Variants in KAZN observed in about 807,000 individuals in gnomAD.
KAZN encodes kazrin, periplakin interacting protein, also known as kazrin.
A neutral mutation model predicts 87.4 loss-of-function variants in KAZN; 40 were observed. That is an observed-to-expected ratio of 0.46 (90% CI 0.36 to 0.60). The LOEUF is 0.60. Ranked by LOEUF, KAZN falls within the 20% of genes least tolerant of loss-of-function variation. The probability of loss-of-function intolerance (pLI) is 0.00; values close to 1 mark genes in which losing one functional copy is unlikely to be tolerated. For missense variants in KAZN, 898 were observed against 1,073.9 expected (o/e 0.84, Z 2.29); for synonymous variants, 466 against 458.3 (o/e 1.02, Z -0.22).
At chr1:14,556,829 T>C (rs765692124) in intron 2 of KAZN, among the ~76,000 whole-genome samples, 6 of 152,180 alleles carry the variant, frequency 3.9e-5, no homozygotes, top group Non-Finnish European at 7.3e-5. Context: ...CTATCCCCGA[T>C]TTTACTAACA....
intron 2 of KAZN, among the ~76,000 whole-genome samples, chr1:14,364,568 C>T (rs955080742): frequency 2.0e-5 from 3 of 152,078 alleles, no homozygotes; most frequent in African/African-American, 7.2e-5. Context: ...GCAAATTTCC[C>T]TAGAAAAACA....
intron 1 of KAZN, among the ~76,000 whole-genome samples, chr1:14,887,455 G>A (rs1271254522): frequency 6.6e-6 from 1 of 152,204 alleles, no homozygotes; most frequent in Non-Finnish European, 1.5e-5. Context: ...CAGCAAGCTA[G>A]GGGTACCACT....
chr1:14,650,283 C>T (rs1343380394), intron 1 of KAZN, among the ~76,000 whole-genome samples: 1 of 152,130 alleles, frequency 6.6e-6, no homozygotes, highest in African/African-American at 2.4e-5. Context: ...GGCTGGGCAC[C>T]ATGACTCACA....
chr1:14,760,470 T>TG (rs1269074831), intron 1 of KAZN, among the ~76,000 whole-genome samples: 1 of 152,208 alleles, frequency 6.6e-6, no homozygotes, highest in African/African-American at 2.4e-5. Flanking sequence ...CGGCACTCGC[T>TG]GGCCCAGTTT....
intron 2 of KAZN, among the ~76,000 whole-genome samples, chr1:14,538,977 G>A (rs1672655789): frequency 6.6e-6 from 1 of 152,118 alleles, no homozygotes; most frequent in Non-Finnish European, 1.5e-5. Flanking sequence ...ATGGGGAGGA[G>A]GTCCTCGGCA....
chr1:14,999,462 C>A (rs1216487326), intron 2 of KAZN, among the ~76,000 whole-genome samples: 1 of 151,886 alleles, frequency 6.6e-6, no homozygotes, highest in Non-Finnish European at 1.5e-5. Flanking sequence ...TTGCTTCCTC[C>A]TACCCAGTGC....
At chr1:14,975,622 G>T (rs1323980967) in intron 2 of KAZN, among the ~76,000 whole-genome samples, 3 of 152,190 alleles carry the variant, frequency 2.0e-5, no homozygotes, top group Non-Finnish European at 4.4e-5. Flanking sequence ...GTCCAGGCAT[G>T]CATGGAATAT....
chr1:14,243,858 G>A (rs2100586166), intron 2 of KAZN, among the ~76,000 whole-genome samples: 1 of 152,168 alleles, frequency 6.6e-6, no homozygotes, highest in South Asian at 2.1e-4. Context: ...AGACTAGATG[G>A]GATACAGAGC....
intron 1 of KAZN, among the ~76,000 whole-genome samples, chr1:14,043,437 TG>T (rs1345888812): frequency 2.0e-5 from 3 of 152,224 alleles, no homozygotes; most frequent in African/African-American, 7.2e-5. Flanking sequence ...TCAGTTATTT[TG>T]GGTATGTACC....
chr1:14,394,117 AC>A (rs34489441), intron 2 of KAZN, among the ~76,000 whole-genome samples: 3 of 152,000 alleles, frequency 2.0e-5, no homozygotes, highest in African/African-American at 4.8e-5. Flanking sequence ...TATGGTGAGG[AC>A]CCCCCCACAC....
rs1025668816 is a variant in KAZN at position 14,412,390 on chromosome 1, A to G, written c.250-186593A>G. On this transcript the variant is annotated intron_variant, in intron 2 of 16. Transcript: ENST00000636203. ...TTTCACTACTTACAAAGTTATCTGC[A>G]TAGAAAACTCAAAGAATTGACATAC... 7.9e-5 allele frequency among the ~76,000 whole-genome samples: 12 copies of G among 152,248 alleles called. No individual in the cohort carries two copies. The East Asian group carries it at 1.5e-3, about 20-fold the overall frequency.
intron 13 of KAZN, among the ~76,000 whole-genome samples, chr1:15,107,492 A>G (rs952405755): frequency 1.3e-5 from 2 of 152,082 alleles, no homozygotes; most frequent in African/African-American, 4.8e-5. Context: ...AGCAGCACCA[A>G]TCCTGGCTGT....
chr1:14,030,318 A>T (rs184052150), intron 1 of KAZN, among the ~76,000 whole-genome samples: 23 of 151,698 alleles, frequency 1.5e-4, no homozygotes, highest in African/African-American at 5.6e-4. Flanking sequence ...TTCTCAGTAA[A>T]CTATCGCAAG....
intron 2 of KAZN, among the ~76,000 whole-genome samples, chr1:14,299,609 G>A (rs1654386369): frequency 6.6e-6 from 1 of 152,188 alleles, no homozygotes; most frequent in Non-Finnish European, 1.5e-5. Flanking sequence ...AAGCCCAGGA[G>A]CTTGCAACAG....
intron 1 of KAZN, among the ~76,000 whole-genome samples, chr1:14,064,829 C>T: frequency 6.6e-6 from 1 of 152,162 alleles, no homozygotes; most frequent in Non-Finnish European, 1.5e-5. Flanking sequence ...AGTGGACATC[C>T]TGAGTCAGTG....
intron 2 of KAZN, among the ~76,000 whole-genome samples, chr1:14,540,189 T>C (rs535719517): frequency 6.6e-6 from 1 of 152,282 alleles, no homozygotes; most frequent in African/African-American, 2.4e-5. Context: ...GCATCAGTGC[T>C]TTGGAGGAGG....
rs145474650 is a variant in KAZN at position 15,047,237 on chromosome 1, G to A, written c.726+3078G>A. ...GTCTTGTTGGGGTGTCCACCTGACT[G>A]CAGGTTCCCTCCATTGCCCGCCATG... On this transcript the variant is annotated intron_variant, in intron 4 of 14. Coordinates refer to ENST00000376030, the MANE Select transcript of KAZN (RefSeq NM_201628.3). 1.8e-3 allele frequency among the ~76,000 whole-genome samples: 267 copies of A among 152,348 alleles called. 1 individual carries two copies. The highest frequency in any genetic ancestry group is 6.1e-3 in the African/African-American group (253 of 41,584).
intron 2 of KAZN, among the ~76,000 whole-genome samples, chr1:14,501,382 A>G (rs1412642264): frequency 6.6e-6 from 1 of 152,160 alleles, no homozygotes; most frequent in Non-Finnish European, 1.5e-5. Context: ...ACATACTCAA[A>G]ACCATCAGAA....
chr1:14,722,795 C>T (rs1557916614), intron 1 of KAZN, among the ~76,000 whole-genome samples: 1 of 152,130 alleles, frequency 6.6e-6, no homozygotes, highest in African/African-American at 2.4e-5. Context: ...GCCCCTGTTC[C>T]TACGTGAGTT....
Sources: allele counts gnomAD v4.1 joint callset (sites outside exome capture counted in the v4.1 genomes callset), GRCh38; gene constraint gnomAD v4.1.1; transcripts MANE v1.5; gene names NCBI Gene and HGNC (gene_info 2026-07-23, HGNC 2026-07-21).